Variants in ATP10B observed in about 807,000 individuals in gnomAD.
The protein encoded by ATP10B is phospholipid-transporting ATPase VB.
In ATP10B, 122 loss-of-function variants were observed where a neutral mutation model predicts 141.2. The ratio of observed to expected loss-of-function variants is 0.86; its 90% CI spans 0.75 to 1.00. ATP10B has a LOEUF of 1.00. ATP10B is among the 50% of genes least tolerant of loss of function. The probability of loss-of-function intolerance (pLI) is 0.00; values close to 1 mark genes in which losing one functional copy is unlikely to be tolerated. For synonymous variants in ATP10B, 685 were observed against 692.0 expected (o/e 0.99, Z 0.16); for missense variants, 1,876 against 1,825.3 (o/e 1.03, Z -0.51).
At chr5:160,794,843 G>T (rs1417102287) in intron 1 of ATP10B, among the ~76,000 whole-genome samples, 4 of 152,078 alleles carry the variant, frequency 2.6e-5, no homozygotes, top group Non-Finnish European at 1.5e-5. Context: ...ATAGCACAAT[G>T]TTTATTTCAT....
At chr5:160,655,773 A>G (rs563710702) in intron 7 of ATP10B, among the ~76,000 whole-genome samples, 1 of 152,266 alleles carries the variant, frequency 6.6e-6, no homozygotes, top group Non-Finnish European at 1.5e-5. Flanking sequence ...GCGTGCATTC[A>G]AGCTTTTATT....
At chr5:160,741,696 A>T (rs1360199628) in intron 2 of ATP10B, among the ~76,000 whole-genome samples, 1 of 152,198 alleles carries the variant, frequency 6.6e-6, no homozygotes, top group East Asian at 1.9e-4. Context: ...AATTAGAGGC[A>T]GATGATATTA....
At chr5:160,569,267 G>A (rs1034224303) in intron 25 of ATP10B, among the ~76,000 whole-genome samples, 1 of 152,192 alleles carries the variant, frequency 6.6e-6, no homozygotes, top group African/African-American at 2.4e-5. Flanking sequence ...CACAACTGAG[G>A]TCACACTGAT....
At chr5:160,585,627 C>T (rs927566670) in intron 24 of ATP10B, among the ~76,000 whole-genome samples, 2 of 152,140 alleles carry the variant, frequency 1.3e-5, no homozygotes, top group Non-Finnish European at 2.9e-5. Flanking sequence ...AAACCAAAAA[C>T]TATACCTCCA....
intron 9 of ATP10B, among the ~76,000 whole-genome samples, chr5:160,642,009 C>T (rs934606103): frequency 6.6e-6 from 1 of 152,192 alleles, no homozygotes; most frequent in African/African-American, 2.4e-5. Flanking sequence ...GGACTATCCC[C>T]TTCACCCACC....
chr5:160,671,479 G>A (rs1762702647), intron 6 of ATP10B, among the ~76,000 whole-genome samples: 1 of 152,164 alleles, frequency 6.6e-6, no homozygotes, highest in Non-Finnish European at 1.5e-5. Context: ...CTCTGCCACT[G>A]TCTAGGAAGA....
intron 2 of ATP10B, among the ~76,000 whole-genome samples, chr5:160,772,938 AG>A (rs1770013698): frequency 6.6e-6 from 1 of 152,250 alleles, no homozygotes; most frequent in African/African-American, 2.4e-5. Context: ...TGGAAAAACC[AG>A]GACTGTATGG....
intron 1 of ATP10B, among the ~76,000 whole-genome samples, chr5:160,786,491 G>C (rs1201584518): frequency 1.3e-5 from 2 of 152,084 alleles, no homozygotes; most frequent in African/African-American, 4.8e-5. Context: ...TCACTTCATA[G>C]AGTATGAAAT....
the ATP10B span, among the ~76,000 whole-genome samples, chr5:160,922,584 G>A: frequency 1.3e-5 from 2 of 152,170 alleles, no homozygotes; most frequent in East Asian, 3.9e-4. Flanking sequence ...AGAAGACAAT[G>A]TGTCTACAAA....
chr5:160,926,739 G>A, the ATP10B span, among the ~76,000 whole-genome samples: 1 of 152,336 alleles, frequency 6.6e-6, no homozygotes, highest in South Asian at 2.1e-4. Context: ...AAGCAAATAG[G>A]CTGAGTGTTA....
chr5:160,705,660 T>C (rs973640070), intron 3 of ATP10B, among the ~76,000 whole-genome samples: 1 of 152,252 alleles, frequency 6.6e-6, no homozygotes, highest in Non-Finnish European at 1.5e-5. Context: ...TAAGGGAGTG[T>C]TGTGGCTGGT....
chr5:160,735,645 A>T (rs1767062679), intron 2 of ATP10B, among the ~76,000 whole-genome samples: 3 of 152,154 alleles, frequency 2.0e-5, no homozygotes, highest in African/African-American at 7.2e-5. Flanking sequence ...GACCAAATGG[A>T]TCTACTAGAT....
At chr5:160,602,502 A>C in intron 21 of ATP10B, 75 bp downstream of exon 21, 1 of 1,595,040 alleles carries the variant, frequency 6.3e-7, no homozygotes, top group Non-Finnish European at 8.6e-7. Flanking sequence ...TGCTTTGCCC[A>C]CTGCTAGGGA....
At chr5:160,877,079 C>A in the ATP10B span, among the ~76,000 whole-genome samples, 4 of 151,844 alleles carry the variant, frequency 2.6e-5, no homozygotes, top group African/African-American at 9.7e-5. Flanking sequence ...CAGAGACAAC[C>A]AAAAAAGAGA....
At chr5:160,625,693 T>A (rs1758573592) in intron 13 of ATP10B, among the ~76,000 whole-genome samples, 1 of 152,224 alleles carries the variant, frequency 6.6e-6, no homozygotes, top group African/African-American at 2.4e-5. Context: ...ACAGTTAACA[T>A]GCTTCAAGTT....
intron 22 of ATP10B, 83 bp from the exon 23 acceptor site, chr5:160,591,222 C>T (rs1008993010): frequency 3.9e-5 from 43 of 1,110,546 alleles, no homozygotes; most frequent in African/African-American, 2.2e-4. Context: ...CATGTGGCTG[C>T]GACAGACAAC....
intron 2 of ATP10B, among the ~76,000 whole-genome samples, chr5:160,736,847 A>C (rs1488178639): frequency 6.6e-6 from 1 of 152,218 alleles, no homozygotes; most frequent in Admixed American, 6.5e-5. Flanking sequence ...AGAAGAACTA[A>C]TACCGATCCT....
At chr5:160,692,207 T>C (rs1457975376) in intron 3 of ATP10B, among the ~76,000 whole-genome samples, 1 of 152,210 alleles carries the variant, frequency 6.6e-6, no homozygotes, top group Non-Finnish European at 1.5e-5. Context: ...TCCTTAAAAG[T>C]AAAGCAGATA....
intron 1 of ATP10B, among the ~76,000 whole-genome samples, chr5:160,850,320 A>T (rs576036287): frequency 9.9e-5 from 15 of 152,270 alleles, no homozygotes; most frequent in African/African-American, 3.6e-4. Context: ...GCTACTTGGG[A>T]GGCTGAGATG....
Sources: allele counts gnomAD v4.1 joint callset (sites outside exome capture counted in the v4.1 genomes callset), GRCh38; gene constraint gnomAD v4.1.1; transcripts MANE v1.5; gene names NCBI Gene and HGNC (gene_info 2026-07-23, HGNC 2026-07-21).